The following SREBF2 variants were observed in gnomAD, a reference collection of about 807,000 sequenced individuals.
SREBF2 encodes sterol regulatory element-binding protein 2.
In SREBF2, 55 loss-of-function variants were observed where a neutral mutation model predicts 113.1. The observed-to-expected ratio is 0.49, with a 90% CI of 0.39 to 0.61. The LOEUF (loss-of-function observed/expected upper bound fraction) is 0.61. Among genes scored for constraint, SREBF2 ranks in the 20% least tolerant of loss-of-function variants. The pLI is 0.00. For missense variants in SREBF2, 1,349 were observed against 1,487.4 expected, an observed-to-expected ratio of 0.91 and a Z score of 1.53; for synonymous variants, 593 against 605.7, an observed-to-expected ratio of 0.98 and a Z score of 0.31.
At chr22:41,859,373 G>A (rs867071513) in intron 1 of SREBF2, among the ~76,000 whole-genome samples, 1 of 152,192 alleles carries the variant, frequency 6.6e-6, no homozygotes, top group Non-Finnish European at 1.5e-5. Context: ...CATAACACAT[G>A]CAGTGACCTG....
chr22:41,880,086 C>T (rs926974289), intron 9 of SREBF2, among the ~76,000 whole-genome samples: 3 of 152,170 alleles, frequency 2.0e-5, no homozygotes, highest in Admixed American at 2.0e-4. Context: ...ACCTAGAGGG[C>T]TGCAATACCA....
intron 4 of SREBF2, among the ~76,000 whole-genome samples, chr22:41,871,607 T>C (rs745808218): frequency 3.9e-5 from 6 of 152,100 alleles, no homozygotes; most frequent in Non-Finnish European, 5.9e-5. Flanking sequence ...AAAACAGAAC[T>C]GCTGACAGGC....
At chr22:41,869,928 A>G (rs1602307467) in intron 3 of SREBF2, among the ~76,000 whole-genome samples, 1 of 147,694 alleles carries the variant, frequency 6.8e-6, no homozygotes, top group Non-Finnish European at 1.5e-5. Flanking sequence ...ATCTCGGCTC[A>G]CTGTGCAACC....
rs1473468683 is a variant in SREBF2 at position 41,903,201 on chromosome 22, G to A, written c.3093+46G>A. On this transcript the variant is annotated intron_variant, in intron 17 of 18. Coordinates refer to ENST00000361204, the MANE Select transcript of SREBF2 (RefSeq NM_004599.4). ...GGGGCAGGGCAGATTGGAGCCTGTG[G>A]GGCCTGAGCCCAGAACCCAGCATGG... The A allele has an allele frequency of 2.6e-6, 4 of 1,541,494 alleles. No individual in the cohort carries two copies. The East Asian group carries it at 9.8e-5, about 38-fold the overall frequency.
intron 1 of SREBF2, among the ~76,000 whole-genome samples, chr22:41,839,984 G>T (rs1190404282): frequency 1.4e-5 from 2 of 140,072 alleles, no homozygotes; most frequent in Non-Finnish European, 3.0e-5. Flanking sequence ...TTTTGAGACG[G>T]AGTCTCACTC....
At chr22:41,865,798 TAGA>T (rs1355355883) in intron 1 of SREBF2, among the ~76,000 whole-genome samples, 1 of 152,174 alleles carries the variant, frequency 6.6e-6, no homozygotes, top group African/African-American at 2.4e-5. Flanking sequence ...TGTGTTGTGG[TAGA>T]AGAACACAAA....
rs1018819294 is a variant in SREBF2, at chr22:41,906,187, G to A, written c.*527G>A. ...GTCTTGATTCTCTCCCTGGGTCTGCGTTCCCTCCCCTGGGCCTGACTGAGC... is the reference window on the plus strand; with the variant it reads ...GTCTTGATTCTCTCCCTGGGTCTGCATTCCCTCCCCTGGGCCTGACTGAGC... On this transcript the variant is annotated 3_prime_UTR_variant, in exon 19 of 19. Coordinates refer to ENST00000361204, the MANE Select transcript of SREBF2 (RefSeq NM_004599.4). 7.2e-5 allele frequency: 26 copies of A among 358,850 alleles called. No homozygotes were observed. The highest frequency in any genetic ancestry group is 2.4e-4 in the African/African-American group (11 of 46,760). 22.2% of individuals were successfully genotyped at this position (358,850 alleles called of 1,614,324 possible). A position where few individuals can be genotyped will look rare whatever the true frequency, so the allele number is the denominator to read the frequency against.
chr22:41,843,610 C>T (rs909213091), intron 1 of SREBF2, among the ~76,000 whole-genome samples: 10 of 152,162 alleles, frequency 6.6e-5, no homozygotes, highest in Non-Finnish European at 1.3e-4. Context: ...TTTCCTCTGT[C>T]CCATGCCCTG....
intron 1 of SREBF2, among the ~76,000 whole-genome samples, chr22:41,845,313 A>G (rs186179014): frequency 1.3e-5 from 2 of 152,258 alleles, no homozygotes; most frequent in Admixed American, 1.3e-4. Context: ...AATGCTTCCT[A>G]TGCTGATGAC....
chr22:41,872,407 G>A (rs573837749), intron 4 of SREBF2, among the ~76,000 whole-genome samples: 4 of 152,148 alleles, frequency 2.6e-5, no homozygotes, highest in African/African-American at 9.6e-5. Context: ...TTTCTGAGCT[G>A]GTAGAAATGG....
intron 1 of SREBF2, among the ~76,000 whole-genome samples, chr22:41,837,243 G>A (rs1352928558): frequency 6.6e-6 from 1 of 151,970 alleles, no homozygotes; most frequent in Non-Finnish European, 1.5e-5. Flanking sequence ...AGATGCCGAA[G>A]TCTGGATTTT....
chr22:41,905,353 G>C (rs2077498116), intron 18 of SREBF2, 87 bp from the exon 19 acceptor site: 1 of 1,276,038 alleles, frequency 7.8e-7, no homozygotes, highest in East Asian at 2.5e-5. Context: ...GGATGTGAGC[G>C]TTCAGTGAAT....
Position 41,833,244 on chromosome 22 carries a change from G to T in SREBF2, c.-27G>T. 6.6e-7 allele frequency: 1 copy of T among 1,505,864 alleles called. No individual in the cohort carries two copies. The highest frequency in any genetic ancestry group is 8.9e-7 in the Non-Finnish European group (1 of 1,125,654). The allele number at this position is 1,505,864 out of a possible 1,614,324, so 93.3% of individuals were successfully genotyped here. ...CCGCGTCTCCCTGAGCGGGACGGCA[G>T]GGGGGGCTTCTGCGCTGAGCCGGGC... On this transcript the variant is annotated 5_prime_UTR_variant, in exon 1 of 19. In the 5' UTR this introduces an upstream ATG that the reference lacks. Transcript: ENST00000361204. This position sits in a 1 kb window ranked among gnomAD's most constrained non-coding sequence, Gnocchi z 4.1.
chr22:41,837,377 G>GTGAAACC (rs983900561), intron 1 of SREBF2, among the ~76,000 whole-genome samples: 11 of 151,678 alleles, frequency 7.3e-5, no homozygotes, highest in African/African-American at 2.7e-4. Context: ...AGCCAATATG[G>GTGAAACC]TGAAACCCCA....
At chr22:41,901,063 G>C in intron 16 of SREBF2, 1 of 474,378 alleles carries the variant, frequency 2.1e-6, no homozygotes. Flanking sequence ...CCTATCAGGT[G>C]GGGGAGGGGA....
chr22:41,864,023 T>G (rs1431634409), intron 1 of SREBF2, among the ~76,000 whole-genome samples: 4 of 150,720 alleles, frequency 2.7e-5, no homozygotes, highest in Non-Finnish European at 4.4e-5. Context: ...TAGCTGGGAT[T>G]ACAGGCACCC....
intron 18 of SREBF2, among the ~76,000 whole-genome samples, 166 bp from the exon 19 acceptor site, chr22:41,905,274 G>A (rs532793621): frequency 4.6e-5 from 7 of 152,340 alleles, no homozygotes; most frequent in South Asian, 2.1e-4. Flanking sequence ...CGGGCTGGCC[G>A]TGAGAGGCTG....
In SREBF2 at chr22:41,868,652, G is replaced by A. The variant is rs746352873; in HGVS notation, c.580G>A (p.Val194Ile). 6.2e-7 allele frequency: 1 copy of A among 1,614,170 alleles called. No homozygotes were observed. Among genetic ancestry groups the A allele is most frequent in the South Asian group, 1.1e-5 (1 of 91,082 alleles). ...QVQSLVTSSQ[V>I]QPVTIQQQVQ... Reference sequence around the variant, plus strand: ...CCAAAGCCTGGTGACATCCTCCCAGGTACAGCCGGTCACCATTCAGCAGCA... The same window carrying A: ...CCAAAGCCTGGTGACATCCTCCCAGATACAGCCGGTCACCATTCAGCAGCA... The change falls in exon 3 of 19, where the codon GTA becomes ATA. Residue 194 changes from valine (V) to isoleucine (I), a missense_variant. Around this residue, in one of 2 missense-constraint regions of SREBF2, gnomAD observed 699 missense variants for 843.3 expected, o/e 0.83. Transcript: ENST00000361204.
rs1427069154 is a variant in SREBF2 at position 41,884,974 on chromosome 22, T to C, written c.2171T>C (p.Leu724Pro). ...VEIHLTAAMG[L>P]KTRCGGKLGF... ...ATCCATCTGACTGCTGCCATGGGGC[T>C]CAAGACCCGGTGTGGAGGCAAGCTG... The change falls in exon 11 of 19, where the codon CTC becomes CCC. Residue 724 changes from leucine to proline, a missense_variant. By Grantham distance (98) the Leu-to-Pro change is moderately conservative. Transcript: ENST00000361204. 2 of 1,613,992 alleles carry C rather than the reference T, an allele frequency of 1.2e-6. No homozygotes were observed. Among genetic ancestry groups the C allele is most frequent in the Non-Finnish European group, 1.7e-6 (2 of 1,180,014 alleles).
Sources: allele counts gnomAD v4.1 joint callset (sites outside exome capture counted in the v4.1 genomes callset), GRCh38; gene constraint gnomAD v4.1.1; regional missense constraint gnomAD v4.1.1; non-coding constraint Gnocchi (gnomAD v3.1); transcripts MANE v1.5; gene names NCBI Gene and HGNC (gene_info 2026-07-23, HGNC 2026-07-21).